SMOC2: variants seen among roughly 807,000 people sequenced by gnomAD.
The protein encoded by SMOC2 is SPARC related modular calcium binding 2, also known as SPARC-related modular calcium-binding protein 2.
SMOC2 carries 39 observed loss-of-function variants against 61.4 expected under a neutral mutation model. The ratio of observed to expected loss-of-function variants is 0.64; its 90% CI spans 0.49 to 0.83. The LOEUF is 0.83. Ranked by LOEUF, SMOC2 falls within the 40% of genes least tolerant of loss-of-function variation. SMOC2 has a pLI of 0.00. For synonymous variants in SMOC2, 247 were observed against 239.9 expected (o/e 1.03, Z -0.27); for missense variants, 556 against 592.9 (o/e 0.94, Z 0.65).
At position 168,656,654 on chromosome 6, in the gene SMOC2, G is replaced by A. The variant is rs997710648; in HGVS notation, c.1285+3426G>A. Among the ~76,000 whole-genome samples, 10 of 151,444 alleles carry A rather than the reference G, an allele frequency of 6.6e-5. No individual in the cohort carries two copies. In the South Asian group the frequency reaches 8.3e-4, roughly 13 times the overall value. On this transcript the variant is annotated intron_variant, in intron 11 of 12. Transcript: ENST00000356284. ...GCTCCTGGAGGAGGCAGTGATCATC[G>A]TCTGCCTCCTCTTCTCAGTGTCCTA...
chr6:168,554,237 G>A (rs1471834190), intron 7 of SMOC2, among the ~76,000 whole-genome samples: 3 of 152,256 alleles, frequency 2.0e-5, no homozygotes, highest in Non-Finnish European at 2.9e-5. Flanking sequence ...CACAAGACAG[G>A]AGGACCAGAT....
intron 1 of SMOC2, among the ~76,000 whole-genome samples, chr6:168,467,878 A>AT (rs2115010113): frequency 6.6e-6 from 1 of 152,290 alleles, no homozygotes; most frequent in East Asian, 1.9e-4. Flanking sequence ...CCTTATATAG[A>AT]TTTTTTAAAA....
At chr6:168,445,344 A>AT (rs1240701003) in intron 1 of SMOC2, among the ~76,000 whole-genome samples, 1 of 152,144 alleles carries the variant, frequency 6.6e-6, no homozygotes, top group African/African-American at 2.4e-5. Context: ...GGTCTTGTGG[A>AT]ATGCATGACC....
chr6:168,555,199 T>A (rs929156670), intron 7 of SMOC2, among the ~76,000 whole-genome samples: 10 of 152,192 alleles, frequency 6.6e-5, no homozygotes, highest in African/African-American at 2.4e-4. Flanking sequence ...CCTGCAATCA[T>A]TAGCCAGCCG....
At chr6:168,579,828 C>A (rs1035168478) in intron 7 of SMOC2, among the ~76,000 whole-genome samples, 5 of 152,104 alleles carry the variant, frequency 3.3e-5, no homozygotes, top group Non-Finnish European at 5.9e-5. Flanking sequence ...GAAACTTAGG[C>A]TAAATGAGTC....
chr6:168,493,168 C>G (rs1782508426), intron 1 of SMOC2, among the ~76,000 whole-genome samples: 1 of 152,006 alleles, frequency 6.6e-6, no homozygotes, highest in African/African-American at 2.4e-5. Flanking sequence ...TCCTGAGTAG[C>G]TGGGACTACA....
At chr6:168,648,350 G>A (rs9455681) in intron 9 of SMOC2, among the ~76,000 whole-genome samples, 50,017 of 152,222 alleles carry the variant, frequency 0.33, 10,240 homozygotes, top group Non-Finnish European at 0.46. Flanking sequence ...TCTCCTGGAC[G>A]GCTGGCCTGG....
chr6:168,461,096 G>A lies in SMOC2; in HGVS notation c.84+19642G>A, dbSNP rs138518140. On this transcript the variant is annotated intron_variant, in intron 1 of 12. Transcript: ENST00000356284. ...TTTACAAAAGAAAGAAGTTTAATGG[G>A]CTTACAGTTCCATGTGGGTGGGGAA... 2.6e-3 allele frequency among the ~76,000 whole-genome samples: 395 copies of A among 152,318 alleles called. 3 individuals carry two copies. Among genetic ancestry groups the A allele is most frequent in the Admixed American group, 5.0e-3 (76 of 15,300 alleles).
At chr6:168,534,683 T>C (rs1470895080) in intron 4 of SMOC2, among the ~76,000 whole-genome samples, 2 of 152,260 alleles carry the variant, frequency 1.3e-5, no homozygotes, top group Non-Finnish European at 2.9e-5. Context: ...AAGTACTTTC[T>C]GGTGTCTAAT....
chr6:168,648,656 A>G (rs551028026), intron 9 of SMOC2, among the ~76,000 whole-genome samples: 3 of 152,312 alleles, frequency 2.0e-5, no homozygotes, highest in East Asian at 3.9e-4. Flanking sequence ...GCTTTTTGCT[A>G]TAGATTTTGA....
chr6:168,612,093 A>G (rs1156397824), intron 9 of SMOC2, among the ~76,000 whole-genome samples: 1 of 152,242 alleles, frequency 6.6e-6, no homozygotes, highest in Non-Finnish European at 1.5e-5. Flanking sequence ...GCTTTGACTT[A>G]CTAGCCATGT....
chr6:168,636,229 G>A (rs1015750555), intron 9 of SMOC2, among the ~76,000 whole-genome samples: 1 of 152,098 alleles, frequency 6.6e-6, no homozygotes, highest in Non-Finnish European at 1.5e-5. Flanking sequence ...AGCTGCATTC[G>A]GTTAAGGATG....
chr6:168,468,123 C>T (rs1326475436), intron 1 of SMOC2, among the ~76,000 whole-genome samples: 6 of 152,192 alleles, frequency 3.9e-5, no homozygotes, highest in Non-Finnish European at 8.8e-5. Context: ...CTCCTTGGCT[C>T]AATGAAGGCT....
intron 9 of SMOC2, among the ~76,000 whole-genome samples, chr6:168,647,525 G>GGA (rs1375676490): frequency 1.3e-5 from 2 of 152,182 alleles, no homozygotes; most frequent in Non-Finnish European, 2.9e-5. Flanking sequence ...TCACCGTGCC[G>GGA]GACACAGCTG....
At chr6:168,656,896 G>A (rs1440636608) in intron 11 of SMOC2, among the ~76,000 whole-genome samples, 3 of 152,196 alleles carry the variant, frequency 2.0e-5, no homozygotes, top group Non-Finnish European at 4.4e-5. Flanking sequence ...TGTACCTATG[G>A]CCGCCTCCCT....
chr6:168,443,709 G>T (rs1406348745), intron 1 of SMOC2, among the ~76,000 whole-genome samples: 3 of 152,084 alleles, frequency 2.0e-5, no homozygotes, highest in Admixed American at 1.3e-4. Context: ...CTGGTTTTTG[G>T]AAATCTCTTT....
chr6:168,558,837 A>G (rs1022482130), intron 7 of SMOC2, among the ~76,000 whole-genome samples: 3 of 149,014 alleles, frequency 2.0e-5, no homozygotes, highest in African/African-American at 7.5e-5. Flanking sequence ...ATGTGTGTGC[A>G]CGTGTGTATG....
Position 168,441,337 on chromosome 6 carries a change from C to T in SMOC2, c.-34C>T, listed in dbSNP as rs1464540943. 1.3e-6 allele frequency: 2 copies of T among 1,496,600 alleles called. No individual in the cohort carries two copies. The highest frequency in any genetic ancestry group is 1.8e-6 in the Non-Finnish European group (2 of 1,130,040). The allele number at this position is 1,496,600 out of a possible 1,614,324, so 92.7% of individuals were successfully genotyped here. ...GGCTGCAGTGCCAGGGCGCAGGACGCGGCCGATCTCCCGCTCCCGCCACCT... is the reference window on the plus strand; with the variant it reads ...GGCTGCAGTGCCAGGGCGCAGGACGTGGCCGATCTCCCGCTCCCGCCACCT... On this transcript the variant is annotated 5_prime_UTR_variant, in exon 1 of 13. Transcript: ENST00000356284.
chr6:168,665,150 A>G (rs184476279), intron 12 of SMOC2: 238 of 219,858 alleles, frequency 1.1e-3, no homozygotes, highest in African/African-American at 5.4e-3. Context: ...GACCTCCAGA[A>G]GTTGTTTTCA....
Sources: allele counts gnomAD v4.1 joint callset (sites outside exome capture counted in the v4.1 genomes callset), GRCh38; gene constraint gnomAD v4.1.1; transcripts MANE v1.5; gene names NCBI Gene and HGNC (gene_info 2026-07-23, HGNC 2026-07-21).